Variants in C4orf46 observed in about 807,000 individuals in gnomAD.
The protein encoded by C4orf46 is renal cancer differentiation gene 1 protein.
A neutral mutation model predicts 9.1 loss-of-function variants in C4orf46; 8 were observed. The observed-to-expected ratio is 0.88, with a 90% confidence interval of 0.52 to 1.59. The LOEUF is 1.59. Among genes scored for constraint, C4orf46 ranks in the 40% most tolerant of loss-of-function variants. C4orf46 has a pLI of 0.00. For synonymous variants in C4orf46, 51 were observed against 58.8 expected, an observed-to-expected ratio of 0.87 and a Z score of 0.61; for missense variants, 151 against 139.1, an observed-to-expected ratio of 1.09 and a Z score of -0.43.
chr4:158,667,722 A>C lies in C4orf46; in HGVS notation c.*1891T>G, dbSNP rs1773417349. On this transcript the variant is annotated 3_prime_UTR_variant, in exon 2 of 2. Transcript: ENST00000379205. ...TCTCTTAAAAAAAAAAAAAAGAGTA[A>C]AAGATATGGCCTCAGAAATCACACA... 1 of 151,976 alleles carries C rather than the reference A, an allele frequency of 6.6e-6. No individual in the cohort carries two copies. Among genetic ancestry groups the C allele is most frequent in the African/African-American group, 2.4e-5 (1 of 41,380 alleles). The allele number at this position is 151,976 out of a possible 1,614,324, so 9.4% of individuals were successfully genotyped here.
chr4:158,669,191 G>C lies in C4orf46; in HGVS notation c.*422C>G, dbSNP rs1202051314. ...TAGCTGTAGACAACTTAGCCTAACG[G>C]AGCTGGATCCACCACTGGCAACCTT... On this transcript the variant is annotated 3_prime_UTR_variant, in exon 2 of 2. Transcript: ENST00000379205. The C allele has an allele frequency of 6.5e-6, 1 of 154,248 alleles. No individual in the cohort carries two copies. The highest frequency in any genetic ancestry group is 2.4e-5 in the African/African-American group (1 of 41,492). 9.6% of individuals were successfully genotyped at this position (154,248 alleles called of 1,614,324 possible).
At chr4:158,671,888 G>T (rs1344594439), upstream of C4orf46, 4 of 1,142,160 alleles carry the variant, frequency 3.5e-6, no homozygotes, top group Non-Finnish European at 4.8e-6. Flanking sequence ...AAGCCGAAAG[G>T]CCCCGCCTCC....
chr4:158,671,062 G>A (rs1773522052), intron 1 of C4orf46, among the ~76,000 whole-genome samples: 1 of 152,174 alleles, frequency 6.6e-6, no homozygotes, highest in South Asian at 2.1e-4. Context: ...CTTCAAGCTG[G>A]GTCCAGCGCT....
chr4:158,671,547 C>T, intron 1 of C4orf46, 69 bp downstream of exon 1: 2 of 1,390,710 alleles, frequency 1.4e-6, no homozygotes, highest in East Asian at 5.4e-5. Context: ...TCCCTAGCCT[C>T]GCGAGCCCCG....
rs1198530556 is a variant in C4orf46, at chr4:158,668,548, T to C, written c.*1065A>G. On this transcript the variant is annotated 3_prime_UTR_variant, in exon 2 of 2. Coordinates refer to ENST00000379205, the MANE Select transcript of C4orf46 (RefSeq NM_001008393.4). Reference sequence around the variant, plus strand: ...GGTAGAGAATTAGTTGGCTTAATCGTTGACACACAACACAAAACACCAAAA... The same window carrying C: ...GGTAGAGAATTAGTTGGCTTAATCGCTGACACACAACACAAAACACCAAAA... 4 of 152,266 alleles carry C rather than the reference T, an allele frequency of 2.6e-5. No individual in the cohort carries two copies. Among genetic ancestry groups the C allele is most frequent in the African/African-American group, 7.2e-5 (3 of 41,460 alleles). 9.4% of individuals were successfully genotyped at this position (152,266 alleles called of 1,614,324 possible).
In C4orf46 at chr4:158,671,774, AAAC is replaced by A; in HGVS notation, c.25_27del (p.Val9del). The A allele has an allele frequency of 6.4e-7, 1 of 1,553,462 alleles. No individual in the cohort carries two copies. Among genetic ancestry groups the A allele is most frequent in the South Asian group, 1.2e-5 (1 of 84,302 alleles). On this transcript the variant is annotated inframe_deletion, in exon 1 of 2. Coordinates refer to ENST00000379205, the MANE Select transcript of C4orf46 (RefSeq NM_001008393.4). ...GAGGGAGGCGGCGGGGGCGGCGAAG[AAAC>A]CTGCAACTCCTCAGGGTCGGCCATG...
intron 1 of C4orf46, among the ~76,000 whole-genome samples, chr4:158,670,768 T>C (rs1253871758): frequency 6.6e-6 from 1 of 152,130 alleles, no homozygotes; most frequent in Non-Finnish European, 1.5e-5. Context: ...GATAATCTAG[T>C]TCATCCCCTA....
chr4:158,671,790 A>T lies in C4orf46; in HGVS notation c.12T>A (p.Pro4=). The T allele has an allele frequency of 6.5e-7, 1 of 1,542,114 alleles. No homozygotes were observed. Among genetic ancestry groups the T allele is most frequent in the Non-Finnish European group, 8.8e-7 (1 of 1,142,460 alleles). MAD[P]EELQVSSPPP... ...GCGGCGAAGAAACCTGCAACTCCTC[A>T]GGGTCGGCCATGGGGAAGGGTTGGG... Residue 4 remains proline (P), a synonymous_variant, in exon 1 of 2, where the codon CCT becomes CCA. Coordinates refer to ENST00000379205, the MANE Select transcript of C4orf46 (RefSeq NM_001008393.4).
At chr4:158,672,002 G>A, upstream of C4orf46, 1 of 562,284 alleles carries the variant, frequency 1.8e-6, no homozygotes. Context: ...TTCACCTTAG[G>A]CAACTCACGG....
rs943813074 is a variant in C4orf46, at chr4:158,667,267, A to G, written c.*2346T>C. On this transcript the variant is annotated 3_prime_UTR_variant, in exon 2 of 2. Coordinates refer to ENST00000379205, the MANE Select transcript of C4orf46 (RefSeq NM_001008393.4). ...AAACAAGATTCCAAAATCATGCCAT[A>G]AAAGAAAACAAATTTCAGTTGGACT... 2.0e-5 allele frequency: 3 copies of G among 151,572 alleles called. No homozygotes were observed. Among genetic ancestry groups the G allele is most frequent in the African/African-American group, 7.3e-5 (3 of 40,924 alleles). The allele number at this position is 151,572 out of a possible 1,614,324, so 9.4% of individuals were successfully genotyped here.
At position 158,669,397 on chromosome 4, in the gene C4orf46, G is replaced by A; in HGVS notation, c.*216C>T. On this transcript the variant is annotated 3_prime_UTR_variant, in exon 2 of 2. Transcript: ENST00000379205. ...TAAAGGATTCTATGAAAGTTCAGAG[G>A]CATAAAGTATTTAAGGACAAACAAG... The A allele has an allele frequency of 4.6e-6, 2 of 432,102 alleles. No homozygotes were observed. The highest frequency in any genetic ancestry group is 8.3e-6 in the Non-Finnish European group (2 of 239,970). The allele number at this position is 432,102 out of a possible 1,614,324, so 26.8% of individuals were successfully genotyped here. A position where few individuals can be genotyped will look rare whatever the true frequency, so the allele number is the denominator to read the frequency against.
intron 1 of C4orf46, among the ~76,000 whole-genome samples, chr4:158,670,756 G>A (rs933078249): frequency 6.6e-6 from 1 of 152,168 alleles, no homozygotes; most frequent in Non-Finnish European, 1.5e-5. Context: ...GCGGAGCAAT[G>A]AGATAATCTA....
Position 158,669,689 on chromosome 4 carries a change from G to A in C4orf46, c.266C>T (p.Thr89Ile). The A allele has an allele frequency of 6.2e-7, 1 of 1,613,684 alleles. No homozygotes were observed. Residue 89 changes from threonine (T) to isoleucine (I), a missense_variant, in exon 2 of 2, where the codon ACA (threonine) becomes ATA (isoleucine). Coordinates refer to ENST00000379205, the MANE Select transcript of C4orf46 (RefSeq NM_001008393.4). ...AQVEELAFKC[T>I]ENARFLKTWR... is the part of the protein sequence containing the mutation. ...CGTTTTAAGGAAACGTGCATTTTCT[G>A]TACATTTGAAGGCAAGTTCTTCCAC...
rs1773400941 is a variant in C4orf46 at position 158,667,163 on chromosome 4, A to G, written c.*2450T>C. 1 of 152,258 alleles carries G rather than the reference A, an allele frequency of 6.6e-6. No individual in the cohort carries two copies. The highest frequency in any genetic ancestry group is 2.4e-5 in the African/African-American group (1 of 41,464). The allele number at this position is 152,258 out of a possible 1,614,324, so 9.4% of individuals were successfully genotyped here. A position where few individuals can be genotyped will look rare whatever the true frequency, so the allele number is the denominator to read the frequency against. Reference sequence around the variant, plus strand: ...ACAGAAAGGTCAGAATCTGGCCCTTACATAGTAACTGCATGACAGATGTTG... The same window carrying G: ...ACAGAAAGGTCAGAATCTGGCCCTTGCATAGTAACTGCATGACAGATGTTG... On this transcript the variant is annotated 3_prime_UTR_variant, in exon 2 of 2. Coordinates refer to ENST00000379205, the MANE Select transcript of C4orf46 (RefSeq NM_001008393.4).
intron 1 of C4orf46, among the ~76,000 whole-genome samples, chr4:158,670,028 T>TTTTTTTTTTTTTA (rs60999542): frequency 2.2e-4 from 25 of 113,130 alleles, no homozygotes; most frequent in East Asian, 1.3e-3. Flanking sequence ...GTTTTCTTTT[T>TTTTTTTTTTTTTA]TTTTTTTTTT....
intron 1 of C4orf46, 26 bp from the exon 2 acceptor site, chr4:158,669,794 T>C: frequency 6.4e-7 from 1 of 1,564,716 alleles, no homozygotes; most frequent in Non-Finnish European, 8.7e-7. Context: ...CAAACATAAT[T>C]TTATTTTTAA....
intron 1 of C4orf46, 89 bp downstream of exon 1, chr4:158,671,527 G>T (rs1580385088): frequency 7.5e-7 from 1 of 1,327,754 alleles, no homozygotes; most frequent in Non-Finnish European, 1.0e-6. Flanking sequence ...ATGGGGGTTG[G>T]GGGACCGATT....
upstream of C4orf46, chr4:158,671,940 C>G (rs1220849630): frequency 4.5e-6 from 3 of 667,088 alleles, no homozygotes; most frequent in East Asian, 2.9e-5. Context: ...GGGTCTCAGC[C>G]CCGGACCACA....
At position 158,669,549 on chromosome 4, in the gene C4orf46, T is replaced by A. The variant is rs1455882830; in HGVS notation, c.*64A>T. ...GGTCATCCTATATGTGTGGTACATG[T>A]ACAAAATATGACATAAGAAGTATGA... On this transcript the variant is annotated 3_prime_UTR_variant, in exon 2 of 2. Coordinates refer to ENST00000379205, the MANE Select transcript of C4orf46 (RefSeq NM_001008393.4). 6.5e-7 allele frequency: 1 copy of A among 1,528,634 alleles called. No homozygotes were observed. Among genetic ancestry groups the A allele is most frequent in the Non-Finnish European group, 9.0e-7 (1 of 1,109,668 alleles). 94.7% of individuals were successfully genotyped at this position (1,528,634 alleles called of 1,614,324 possible). A position where few individuals can be genotyped will look rare whatever the true frequency, so the allele number is the denominator to read the frequency against.
Sources: gnomAD v4.1 joint callset for allele counts (sites outside exome capture counted in the v4.1 genomes callset) on GRCh38, gnomAD v4.1.1 for gene constraint, MANE v1.5 for transcripts, NCBI Gene and HGNC (gene_info 2026-07-23, HGNC 2026-07-21) for gene names.